The following ETNK1 variants were observed in gnomAD, a reference collection of about 807,000 sequenced individuals.
ETNK1 encodes the protein putative protein product of Nbla10396.
In ETNK1, 8 loss-of-function variants were observed where a neutral mutation model predicts 45.1. That is an observed-to-expected ratio of 0.18 (90% confidence interval 0.10 to 0.32). The LOEUF is 0.32. ETNK1 is among the 10% of genes least tolerant of loss of function. The probability of loss-of-function intolerance (pLI) is 1.00; values close to 1 mark genes in which losing one functional copy is unlikely to be tolerated. For missense variants in ETNK1, 302 were observed against 430.6 expected (o/e 0.70, Z 2.64); for synonymous variants, 152 against 151.9 (o/e 1.00, Z -0.01).
intron 1 of ETNK1, 181 bp downstream of exon 1, chr12:22,625,767 C>G (rs2271098): frequency 0.42 from 383,866 of 915,816 alleles, 87,792 homozygotes; most frequent in South Asian, 0.49. Context: ...CCCTTCCCGT[C>G]GCAGTTGCTC....
chr12:22,659,177 AATT>A, intron 3 of ETNK1, 23 bp downstream of exon 3: 1 of 1,602,158 alleles, frequency 6.2e-7, no homozygotes, highest in Non-Finnish European at 8.5e-7. Flanking sequence ...TTACATTTGA[AATT>A]ATGTTTTACA....
At chr12:22,677,496 CTTTTTTGGTTCCATATGAAA>C (rs1406009451) in intron 6 of ETNK1, among the ~76,000 whole-genome samples, 1 of 152,114 alleles carries the variant, frequency 6.6e-6, no homozygotes, top group Non-Finnish European at 1.5e-5. Flanking sequence ...TATGCAGGGT[CTTTTTTGGTTCCATATGAAA>C]TTTAAAGTAG....
At chr12:22,630,509 A>C (rs1953562376) in intron 1 of ETNK1, among the ~76,000 whole-genome samples, 1 of 152,186 alleles carries the variant, frequency 6.6e-6, no homozygotes, top group Non-Finnish European at 1.5e-5. Context: ...TGAGCAAGGA[A>C]AACTATCTCA....
At chr12:22,657,156 A>C (rs1201541641) in intron 2 of ETNK1, among the ~76,000 whole-genome samples, 1 of 152,186 alleles carries the variant, frequency 6.6e-6, no homozygotes, top group Non-Finnish European at 1.5e-5. Context: ...GACTAACATA[A>C]AAATAGATTT....
intron 2 of ETNK1, among the ~76,000 whole-genome samples, chr12:22,651,975 C>T (rs1289145819): frequency 1.3e-5 from 2 of 152,092 alleles, no homozygotes; most frequent in African/African-American, 4.8e-5. Flanking sequence ...CGTGAGCCAC[C>T]ACGCCTGGCC....
At chr12:22,673,791 A>C in intron 6 of ETNK1, 131 bp downstream of exon 6, 1 of 932,020 alleles carries the variant, frequency 1.1e-6, no homozygotes, top group Non-Finnish European at 1.6e-6. Context: ...TAAATACATG[A>C]CCATTTACAG....
chr12:22,660,462 T>C (rs746394647), intron 3 of ETNK1, among the ~76,000 whole-genome samples: 3 of 152,158 alleles, frequency 2.0e-5, no homozygotes, highest in African/African-American at 7.2e-5. Context: ...CAGCTTACCA[T>C]GTTGCCTCCC....
chr12:22,686,913 C>A lies in ETNK1; in HGVS notation c.*1959C>A, dbSNP rs1954265319. 9.7e-6 allele frequency: 1 copy of A among 103,052 alleles called. No individual in the cohort carries two copies. Among genetic ancestry groups the A allele is most frequent in the South Asian group, 3.4e-4 (1 of 2,972 alleles). The allele number at this position is 103,052 out of a possible 1,614,324, so 6.4% of individuals were successfully genotyped here. A position where few individuals can be genotyped will look rare whatever the true frequency, so the allele number is the denominator to read the frequency against. On this transcript the variant is annotated 3_prime_UTR_variant, in exon 8 of 8. Transcript: ENST00000266517. ...CCTTCTAAAGTGCAACAGTATATAT[C>A]TTGTAGAACTGTGGGAGGAGAGAAG...
At chr12:22,657,287 C>A (rs946558943) in intron 2 of ETNK1, among the ~76,000 whole-genome samples, 1 of 152,100 alleles carries the variant, frequency 6.6e-6, no homozygotes, top group African/African-American at 2.4e-5. Flanking sequence ...CCAAAGTACA[C>A]ATATATAAAA....
At chr12:22,680,014 T>G (rs1954199976) in intron 6 of ETNK1, among the ~76,000 whole-genome samples, 1 of 63,728 alleles carries the variant, frequency 1.6e-5, no homozygotes, top group South Asian at 3.6e-4. Context: ...GGTGGAGGAA[T>G]ACATACATCA....
intron 7 of ETNK1, 72 bp from the exon 8 acceptor site, chr12:22,684,810 T>A: frequency 8.3e-7 from 1 of 1,205,582 alleles, no homozygotes; most frequent in Non-Finnish European, 1.2e-6. Context: ...CTTAGAGGAC[T>A]GAGTGAAAAT....
In ETNK1 at chr12:22,687,390, C is replaced by G. The variant is rs1954269672; in HGVS notation, c.*2436C>G. The G allele has an allele frequency of 6.6e-6, 1 of 152,234 alleles. No homozygotes were observed. The highest frequency in any genetic ancestry group is 2.1e-4 in the South Asian group (1 of 4,832). 9.4% of individuals were successfully genotyped at this position (152,234 alleles called of 1,614,324 possible). On this transcript the variant is annotated 3_prime_UTR_variant, in exon 8 of 8. Coordinates refer to ENST00000266517, the MANE Select transcript of ETNK1 (RefSeq NM_018638.5). Reference sequence around the variant, plus strand: ...TGCCTTTTTATGTTAAGCTAAGGAACTTGAATGCCTTACCTAATAACTCAA... The same window carrying G: ...TGCCTTTTTATGTTAAGCTAAGGAAGTTGAATGCCTTACCTAATAACTCAA...
chr12:22,671,587 C>G (rs1258570853), intron 5 of ETNK1, among the ~76,000 whole-genome samples: 2 of 151,740 alleles, frequency 1.3e-5, no homozygotes, highest in African/African-American at 4.8e-5. Context: ...GCCTGTAATC[C>G]CAGCACTTTG....
Position 22,690,092 on chromosome 12 carries a change from T to G in ETNK1, c.*5138T>G, listed in dbSNP as rs1592141482. The G allele has an allele frequency of 6.6e-6, 1 of 152,662 alleles. No homozygotes were observed. The highest frequency in any genetic ancestry group is 1.9e-4 in the East Asian group (1 of 5,194). The allele number at this position is 152,662 out of a possible 1,614,324, so 9.5% of individuals were successfully genotyped here. On this transcript the variant is annotated 3_prime_UTR_variant, in exon 8 of 8. Transcript: ENST00000266517. ...GGTAACTGTCATTGCGTTAGCTTTA[T>G]GTTGAATTGGGAAATTGTGGCATAA...
chr12:22,682,194 G>A, intron 6 of ETNK1: 1 of 299,216 alleles, frequency 3.3e-6, no homozygotes, highest in South Asian at 2.9e-5. Flanking sequence ...ATCACCACCA[G>A]TGTCATCAGA....
chr12:22,676,710 G>A (rs989640484), intron 6 of ETNK1, among the ~76,000 whole-genome samples: 1 of 151,814 alleles, frequency 6.6e-6, no homozygotes, highest in Non-Finnish European at 1.5e-5. Flanking sequence ...TCTAACTGGC[G>A]TGAAATGGTA....
intron 3 of ETNK1, among the ~76,000 whole-genome samples, chr12:22,659,777 TG>T: frequency 6.6e-6 from 1 of 152,282 alleles, no homozygotes; most frequent in African/African-American, 2.4e-5. Flanking sequence ...GAAGGTTATT[TG>T]AGTTATATTT....
intron 6 of ETNK1, among the ~76,000 whole-genome samples, chr12:22,679,932 T>G (rs930072181): frequency 5.9e-5 from 9 of 152,178 alleles, no homozygotes; most frequent in African/African-American, 2.2e-4. Flanking sequence ...CCTCAAATGA[T>G]CCACCCACCT....
chr12:22,641,524 C>A (rs968732402), intron 1 of ETNK1, among the ~76,000 whole-genome samples: 6 of 152,090 alleles, frequency 3.9e-5, no homozygotes, highest in Non-Finnish European at 8.8e-5. Context: ...TGTTGATGTT[C>A]TGTAAAACAG....
Sources: allele counts gnomAD v4.1 joint callset (sites outside exome capture counted in the v4.1 genomes callset), GRCh38; gene constraint gnomAD v4.1.1; transcripts MANE v1.5; gene names NCBI Gene and HGNC (gene_info 2026-07-23, HGNC 2026-07-21).